OXCT1: variants seen among roughly 807,000 people sequenced by gnomAD.
The protein encoded by OXCT1 is succinyl-CoA:3-ketoacid coenzyme A transferase 1, mitochondrial.
A neutral mutation model predicts 69.6 loss-of-function variants in OXCT1; 27 were observed. The ratio of observed to expected loss-of-function variants is 0.39; its 90% CI spans 0.29 to 0.54. The LOEUF (loss-of-function observed/expected upper bound fraction) is 0.54, where lower values mean the gene tolerates loss of function less well. Ranked by LOEUF, OXCT1 falls within the 20% of genes least tolerant of loss-of-function variation. The pLI is 0.72. For missense variants in OXCT1, 437 were observed against 650.2 expected (o/e 0.67, Z 3.57); for synonymous variants, 202 against 217.8 (o/e 0.93, Z 0.64).
intron 13 of OXCT1, among the ~76,000 whole-genome samples, chr5:41,782,296 C>T (rs1023794196): frequency 1.1e-4 from 16 of 151,588 alleles, no homozygotes; most frequent in African/African-American, 2.7e-4. Context: ...CTCAGTGCAA[C>T]CTCCACCTCC....
chr5:41,848,114 C>G (rs1312375536), intron 5 of OXCT1, among the ~76,000 whole-genome samples: 3 of 147,438 alleles, frequency 2.0e-5, no homozygotes, highest in Admixed American at 1.4e-4. Flanking sequence ...ACAAAAATCA[C>G]AAGCATTCTT....
At chr5:41,799,013 A>T (rs1746306662) in intron 11 of OXCT1, among the ~76,000 whole-genome samples, 1 of 152,208 alleles carries the variant, frequency 6.6e-6, no homozygotes, top group Non-Finnish European at 1.5e-5. Context: ...CCAATGGTAT[A>T]ATACATGTGA....
At chr5:41,849,924 T>C in intron 5 of OXCT1, 106 bp downstream of exon 5, 2 of 1,165,704 alleles carry the variant, frequency 1.7e-6, no homozygotes, top group Non-Finnish European at 2.6e-6. Flanking sequence ...GAATGAGTGC[T>C]TTTTCTCACA....
At chr5:41,743,507 G>T (rs1157525364) in intron 15 of OXCT1, among the ~76,000 whole-genome samples, 2 of 152,124 alleles carry the variant, frequency 1.3e-5, no homozygotes, top group African/African-American at 4.8e-5. Flanking sequence ...GTCAATTTTG[G>T]CTTTTGTTGC....
intron 11 of OXCT1, among the ~76,000 whole-genome samples, chr5:41,795,939 A>C (rs1023392191): frequency 1.3e-5 from 2 of 152,168 alleles, no homozygotes; most frequent in Non-Finnish European, 2.9e-5. Context: ...CTAATTCCTT[A>C]ATTTCATTTG....
intron 14 of OXCT1, among the ~76,000 whole-genome samples, chr5:41,758,621 G>A (rs1481853239): frequency 6.6e-6 from 1 of 151,966 alleles, no homozygotes; most frequent in Non-Finnish European, 1.5e-5. Flanking sequence ...AGAGCAGAGG[G>A]CATTATAAAG....
At chr5:41,745,833 T>G (rs1025565781) in intron 15 of OXCT1, among the ~76,000 whole-genome samples, 2 of 152,016 alleles carry the variant, frequency 1.3e-5, no homozygotes, top group African/African-American at 2.4e-5. Flanking sequence ...ACATACACCC[T>G]CCCAAGACTA....
intron 13 of OXCT1, among the ~76,000 whole-genome samples, chr5:41,777,395 G>A (rs1359574231): frequency 1.3e-5 from 2 of 152,210 alleles, no homozygotes; most frequent in Middle Eastern, 3.4e-3. Flanking sequence ...CAGCCTGGGC[G>A]ACAAAGTGAG....
intron 7 of OXCT1, among the ~76,000 whole-genome samples, chr5:41,820,260 T>C (rs575971206): frequency 2.0e-5 from 3 of 152,208 alleles, no homozygotes; most frequent in Non-Finnish European, 4.4e-5. Flanking sequence ...GTGTTTAAAG[T>C]ATAACATCCA....
intron 1 of OXCT1, among the ~76,000 whole-genome samples, chr5:41,865,749 T>C (rs1189921865): frequency 1.3e-5 from 2 of 152,198 alleles, no homozygotes; most frequent in Non-Finnish European, 2.9e-5. Context: ...ATTTTAAGTT[T>C]ACAAAAAGAT....
At position 41,807,416 on chromosome 5, in the gene OXCT1, C is replaced by T; in HGVS notation, c.755G>A (p.Gly252Glu). ...VVEVEEIVDI[G>E]AFAPEDIHIP... ...ATGGATGTCTTCTGGAGCAAATGCT[C>T]CAATATCCACAATTTCTTCAACCTA... is the stretch of plus-strand genomic sequence containing the variant. The change falls in exon 8 of 17, where the codon GGA (glycine) becomes GAA (glutamate). Residue 252 changes from glycine (G) to glutamate (E), a missense_variant. Physicochemically the swap from Gly to Glu is moderately conservative, Grantham distance 98. Around this residue, in one of 4 missense-constraint regions of OXCT1, gnomAD observed 252 missense variants for 397.4 expected, o/e 0.63. Transcript: ENST00000196371. 6.3e-7 allele frequency: 1 copy of T among 1,599,986 alleles called. No homozygotes were observed. The highest frequency in any genetic ancestry group is 8.6e-7 in the Non-Finnish European group (1 of 1,167,986).
intron 5 of OXCT1, among the ~76,000 whole-genome samples, chr5:41,849,495 C>A (rs1045784080): frequency 6.6e-6 from 1 of 152,170 alleles, no homozygotes; most frequent in Non-Finnish European, 1.5e-5. Context: ...TCCTACTCAG[C>A]ATTTTAAATA....
intron 7 of OXCT1, among the ~76,000 whole-genome samples, chr5:41,807,652 G>C (rs1158893735): frequency 6.6e-6 from 1 of 152,018 alleles, no homozygotes; most frequent in Non-Finnish European, 1.5e-5. Flanking sequence ...GTATGCGTCT[G>C]AACAGAAAAT....
intron 11 of OXCT1, among the ~76,000 whole-genome samples, chr5:41,795,154 C>T (rs1277861724): frequency 2.0e-5 from 3 of 152,154 alleles, no homozygotes; most frequent in African/African-American, 7.2e-5. Flanking sequence ...AACGGGCAAC[C>T]TAGATCCCTC....
At chr5:41,841,963 A>T (rs1179305394) in intron 6 of OXCT1, among the ~76,000 whole-genome samples, 1 of 152,218 alleles carries the variant, frequency 6.6e-6, no homozygotes, top group Non-Finnish European at 1.5e-5. Context: ...GCAGCAAATG[A>T]TAAATAAGCA....
Position 41,759,438 on chromosome 5 carries a change from C to G in OXCT1, c.1338+2673G>C, listed in dbSNP as rs187640087. On this transcript the variant is annotated intron_variant, in intron 14 of 16. Transcript: ENST00000196371. ...GCTTAAGAAGAAAGGTGGCTGGACA[C>G]CAAAAAAAACTTTGCCTACTTCAAA... Among the ~76,000 whole-genome samples, 179 of 152,118 alleles carry G rather than the reference C, an allele frequency of 1.2e-3. 1 individual carries two copies. In the Middle Eastern group the frequency reaches 0.014, roughly 12 times the overall value.
chr5:41,755,519 C>G (rs925096284), intron 14 of OXCT1, among the ~76,000 whole-genome samples: 6 of 152,058 alleles, frequency 3.9e-5, no homozygotes, highest in African/African-American at 1.4e-4. Flanking sequence ...TCATTTTGAG[C>G]TACTTTTCAA....
chr5:41,793,531 G>C (rs1746029509), intron 13 of OXCT1, among the ~76,000 whole-genome samples: 1 of 152,168 alleles, frequency 6.6e-6, no homozygotes. Flanking sequence ...ACTCTCACAG[G>C]TTTTGAATTC....
intron 4 of OXCT1, among the ~76,000 whole-genome samples, chr5:41,852,707 A>T (rs1749237324): frequency 6.6e-6 from 1 of 152,188 alleles, no homozygotes; most frequent in Non-Finnish European, 1.5e-5. Flanking sequence ...ATATAGTCAC[A>T]TGCACCTTTC....
Sources: allele counts gnomAD v4.1 joint callset (sites outside exome capture counted in the v4.1 genomes callset), GRCh38; gene constraint gnomAD v4.1.1; regional missense constraint gnomAD v4.1.1; transcripts MANE v1.5; gene names NCBI Gene and HGNC (gene_info 2026-07-23, HGNC 2026-07-21).